Variants in VPS37B observed in about 807,000 individuals in gnomAD.
VPS37B encodes the protein VPS37B subunit of ESCRT-I, also known as vacuolar protein sorting-associated protein 37B.
A neutral mutation model predicts 21.2 loss-of-function variants in VPS37B; 11 were observed. The ratio of observed to expected loss-of-function variants is 0.52; its 90% CI spans 0.33 to 0.86. VPS37B has a LOEUF of 0.86. VPS37B is among the 40% of genes least tolerant of loss of function. The pLI is 0.03. For missense variants in VPS37B, 389 were observed against 374.8 expected, an observed-to-expected ratio of 1.04 and a Z score of -0.31; for synonymous variants, 175 against 159.6, an observed-to-expected ratio of 1.10 and a Z score of -0.73.
chr12:122,884,435 T>C (rs1254867247), intron 1 of VPS37B: 4 of 152,248 alleles, frequency 2.6e-5, no homozygotes, highest in African/African-American at 9.6e-5. Flanking sequence ...TTGACAGTTT[T>C]TGTAGAAATA....
At chr12:122,877,265 G>A (rs1421142919) in intron 1 of VPS37B, 1 of 152,172 alleles carries the variant, frequency 6.6e-6, no homozygotes, top group Non-Finnish European at 1.5e-5. Context: ...GTGTGTACTT[G>A]GAATTTGGGC....
At chr12:122,872,353 C>G (rs1449980232) in intron 1 of VPS37B, 1 of 985,380 alleles carries the variant, frequency 1.0e-6, no homozygotes. Flanking sequence ...CTCCAGACAA[C>G]AGCTGCACCC....
At chr12:122,886,570 G>T (rs2034333365) in intron 1 of VPS37B, 1 of 152,164 alleles carries the variant, frequency 6.6e-6, no homozygotes, top group South Asian at 2.1e-4. Context: ...CCATGCTCTA[G>T]CCTGGGCGAC....
Position 122,866,839 on chromosome 12 carries a change from T to G in VPS37B, c.*277A>C. ...GGAGAGGCCTATTTCTTCCCAAACA[T>G]GAGTTCATCAACGCTAAGATACTTA... On this transcript the variant is annotated 3_prime_UTR_variant, in exon 4 of 4. Coordinates refer to ENST00000267202, the MANE Select transcript of VPS37B (RefSeq NM_024667.3). The G allele has an allele frequency of 2.6e-6, 1 of 378,516 alleles. No homozygotes were observed. Among genetic ancestry groups the G allele is most frequent in the East Asian group, 4.1e-5 (1 of 24,654 alleles). The allele number at this position is 378,516 out of a possible 1,614,324, so 23.4% of individuals were successfully genotyped here. A position where few individuals can be genotyped will look rare whatever the true frequency, so the allele number is the denominator to read the frequency against.
At chr12:122,895,838 A>C (rs2034484177) in intron 1 of VPS37B, 114 bp downstream of exon 1, 7 of 818,072 alleles carry the variant, frequency 8.6e-6, no homozygotes, top group Non-Finnish European at 7.7e-6. Flanking sequence ...TTTCTAGCCC[A>C]GTCCCCTCAA....
intron 1 of VPS37B, chr12:122,889,608 G>A (rs2034382851): frequency 6.6e-6 from 1 of 152,104 alleles, no homozygotes; most frequent in African/African-American, 2.4e-5. Context: ...TGTAATCCCA[G>A]CTACTTGGGA....
In VPS37B at chr12:122,868,121, A is replaced by C. The variant is rs2033946069; in HGVS notation, c.366+359T>G. The stretch of plus-strand genomic sequence containing the variant: ...ATTTCCTTATCGCCTGGCGAGGCTC[A>C]AGGCTCTAATGCGCAGCTGGACGTG... On this transcript the variant is annotated intron_variant, in intron 3 of 3. Transcript: ENST00000267202. The surrounding 1 kb of genome is among the most constrained non-coding windows in gnomAD (Gnocchi z 5.5). Among the ~76,000 whole-genome samples the C allele has an allele frequency of 6.6e-6, 1 of 152,210 alleles. No homozygotes were observed. The highest frequency in any genetic ancestry group is 2.4e-5 in the African/African-American group (1 of 41,450).
At chr12:122,885,076 T>C (rs1231005522) in intron 1 of VPS37B, 1 of 152,046 alleles carries the variant, frequency 6.6e-6, no homozygotes, top group Non-Finnish European at 1.5e-5. Flanking sequence ...AATGAGAAAA[T>C]GCTATTCTAA....
intron 1 of VPS37B, chr12:122,887,751 T>A (rs1343548359): frequency 6.6e-6 from 1 of 152,178 alleles, no homozygotes; most frequent in Non-Finnish European, 1.5e-5. Context: ...TGGTTTCACA[T>A]CCCCCAAGTG....
Position 122,870,954 on chromosome 12 carries a change from C to G in VPS37B, c.219G>C (p.Leu73Phe). 6.2e-7 allele frequency: 1 copy of G among 1,614,176 alleles called. No individual in the cohort carries two copies. Among genetic ancestry groups the G allele is most frequent in the Middle Eastern group, 1.6e-4 (1 of 6,062 alleles). ...CCTGGAGTTCCTGGTATTTCTGGGT[C>G]AAGCGTGCTTTCAACGTGTCCAGCT... ...QPQLDTLKAR[L>F]TQKYQELQVL... Residue 73 changes from leucine to phenylalanine, a missense_variant, in exon 2 of 4, where the codon TTG becomes TTC. Physicochemically the swap from Leu to Phe is conservative, Grantham distance 22. Coordinates refer to ENST00000267202, the MANE Select transcript of VPS37B (RefSeq NM_024667.3).
rs2033949553 is a variant in VPS37B at position 122,868,248 on chromosome 12, G to A, written c.366+232C>T. 6.6e-6 allele frequency among the ~76,000 whole-genome samples: 1 copy of A among 152,176 alleles called. No homozygotes were observed. The highest frequency in any genetic ancestry group is 6.5e-5 in the Admixed American group (1 of 15,284). On this transcript the variant is annotated intron_variant, in intron 3 of 3. Transcript: ENST00000267202. This position sits in a 1 kb window ranked among gnomAD's most constrained non-coding sequence, Gnocchi z 5.5. Reference sequence around the variant, plus strand: ...CCGGCGTTCACAGGGTGGCACGCATGCCCTCTCTTGGCCCTCGCTCGGACC... The same window carrying A: ...CCGGCGTTCACAGGGTGGCACGCATACCCTCTCTTGGCCCTCGCTCGGACC...
intron 1 of VPS37B, chr12:122,885,248 AGACT>A (rs1281766244): frequency 1.3e-5 from 2 of 151,722 alleles, no homozygotes; most frequent in Non-Finnish European, 2.9e-5. Flanking sequence ...TAGACACTTA[AGACT>A]TACTAAAAAA....
At chr12:122,871,610 A>C (rs2034035791) in intron 1 of VPS37B, 1 of 985,424 alleles carries the variant, frequency 1.0e-6, no homozygotes, top group Non-Finnish European at 1.2e-6. Context: ...TGCCCACCCC[A>C]GCTCTTCTGA....
intron 1 of VPS37B, chr12:122,875,102 G>A (rs530598837): frequency 6.7e-5 from 10 of 150,340 alleles, no homozygotes; most frequent in African/African-American, 1.7e-4. Flanking sequence ...CTCTGTCACC[G>A]AGACTGGAAT....
At chr12:122,893,718 A>T (rs1387903950) in intron 1 of VPS37B, among the ~76,000 whole-genome samples, 1 of 152,118 alleles carries the variant, frequency 6.6e-6, no homozygotes, top group Non-Finnish European at 1.5e-5. Context: ...CAGAAAAGCA[A>T]ACTACTGCTG....
chr12:122,871,802 T>C (rs1377029061), intron 1 of VPS37B: 2 of 972,066 alleles, frequency 2.1e-6, no homozygotes, highest in Non-Finnish European at 2.4e-6. Context: ...GAGTAGAAGG[T>C]CTGAGAAAAA....
At chr12:122,879,113 C>G (rs1470689303) in intron 1 of VPS37B, 1 of 152,210 alleles carries the variant, frequency 6.6e-6, no homozygotes, top group Admixed American at 6.5e-5. Flanking sequence ...CCAGAGGGAA[C>G]AGGGTACCCT....
At position 122,865,917 on chromosome 12, in the gene VPS37B, G is replaced by C. The variant is rs2033889311; in HGVS notation, c.*1199C>G. On this transcript the variant is annotated 3_prime_UTR_variant, in exon 4 of 4. Transcript: ENST00000267202. ...TCCCACAGGGGTGGGGGAAGAGCAG[G>C]TGCAGACGGTTGGAGTGCAGCCCCG... 6.6e-6 allele frequency: 1 copy of C among 152,430 alleles called. No homozygotes were observed. Among genetic ancestry groups the C allele is most frequent in the Non-Finnish European group, 1.5e-5 (1 of 68,174 alleles). 9.4% of individuals were successfully genotyped at this position (152,430 alleles called of 1,614,324 possible).
chr12:122,871,256 C>T, intron 1 of VPS37B, 195 bp from the exon 2 acceptor site: 2 of 1,354,662 alleles, frequency 1.5e-6, no homozygotes, highest in East Asian at 2.8e-5. Flanking sequence ...TGCTGCCCGT[C>T]GTAAAGAATG....
Sources: allele counts gnomAD v4.1 joint callset (sites outside exome capture counted in the v4.1 genomes callset), GRCh38; gene constraint gnomAD v4.1.1; non-coding constraint Gnocchi (gnomAD v3.1); transcripts MANE v1.5; gene names NCBI Gene and HGNC (gene_info 2026-07-23, HGNC 2026-07-21).